The following BICD2 variants were observed in gnomAD, a reference collection of about 807,000 sequenced individuals.
BICD2 encodes the protein protein bicaudal D homolog 2.
BICD2 carries 25 observed loss-of-function variants against 72.9 expected under a neutral mutation model. The ratio of observed to expected loss-of-function variants is 0.34; its 90% CI spans 0.25 to 0.48. The LOEUF (loss-of-function observed/expected upper bound fraction) is 0.48, where lower values mean the gene tolerates loss of function less well. BICD2 is among the 20% of genes least tolerant of loss of function. The pLI is 0.99. For synonymous variants in BICD2, 501 were observed against 516.1 expected, an observed-to-expected ratio of 0.97 and a Z score of 0.40; for missense variants, 894 against 1,175.2, an observed-to-expected ratio of 0.76 and a Z score of 3.50.
chr9:92,756,866 C>CA (rs61466993), intron 1 of BICD2, among the ~76,000 whole-genome samples: 74 of 123,582 alleles, frequency 6.0e-4, no homozygotes, highest in African/African-American at 8.5e-4. Context: ...GACTCCGTCT[C>CA]AAAAAAAAAA....
In BICD2 at chr9:92,714,985, A is replaced by G; in HGVS notation, c.*169T>C. On this transcript the variant is annotated 3_prime_UTR_variant, in exon 7 of 7. Coordinates refer to ENST00000356884, the MANE Select transcript of BICD2 (RefSeq NM_001003800.2). ...GGCTTTGAGGAGTGAGAAGCGACACAAAGCTCTCACAAGTGTCCTGCTGAT... is the reference window on the plus strand; with the variant it reads ...GGCTTTGAGGAGTGAGAAGCGACACGAAGCTCTCACAAGTGTCCTGCTGAT... The G allele has an allele frequency of 1.4e-6, 2 of 1,409,130 alleles. No individual in the cohort carries two copies. Among genetic ancestry groups the G allele is most frequent in the Non-Finnish European group, 1.8e-6 (2 of 1,084,306 alleles). 87.3% of individuals were successfully genotyped at this position (1,409,130 alleles called of 1,614,324 possible).
At chr9:92,722,173 T>C (rs893683626) in intron 3 of BICD2, among the ~76,000 whole-genome samples, 4 of 152,174 alleles carry the variant, frequency 2.6e-5, no homozygotes, top group African/African-American at 9.7e-5. Context: ...TATTCATCTC[T>C]GTCACAGGCA....
At chr9:92,741,338 G>A (rs555036319) in intron 1 of BICD2, among the ~76,000 whole-genome samples, 1 of 152,298 alleles carries the variant, frequency 6.6e-6, no homozygotes, top group Admixed American at 6.5e-5. Context: ...ACCTTGCCCA[G>A]GAACATAAAA....
At chr9:92,742,610 C>G (rs1247470069) in intron 1 of BICD2, among the ~76,000 whole-genome samples, 1 of 152,068 alleles carries the variant, frequency 6.6e-6, no homozygotes. Flanking sequence ...GGTCCGATCT[C>G]CTGACCTCGT....
chr9:92,756,066 C>G (rs1854248882), intron 1 of BICD2, among the ~76,000 whole-genome samples: 1 of 152,192 alleles, frequency 6.6e-6, no homozygotes, highest in Non-Finnish European at 1.5e-5. Context: ...AATGGTAGGA[C>G]AGTGACAATA....
chr9:92,729,204 C>T lies in BICD2; in HGVS notation c.273G>A (p.Lys91=). ...AFGQAHTNHK[K]VAADGESREE... The stretch of plus-strand genomic sequence containing the variant: ...CCCGGCTCTCTCCGTCAGCAGCCAC[C>T]TTCTTGTGGTTTGTGTGTGCTTGTC... Residue 91 remains lysine, a synonymous_variant, in exon 2 of 7, where the codon AAG becomes AAA. Coordinates refer to ENST00000356884, the MANE Select transcript of BICD2 (RefSeq NM_001003800.2). 6.2e-7 allele frequency: 1 copy of T among 1,614,206 alleles called. No homozygotes were observed. The highest frequency in any genetic ancestry group is 8.5e-7 in the Non-Finnish European group (1 of 1,180,052).
At chr9:92,756,166 G>T (rs1854251266) in intron 1 of BICD2, among the ~76,000 whole-genome samples, 1 of 152,226 alleles carries the variant, frequency 6.6e-6, no homozygotes, top group Non-Finnish European at 1.5e-5. Context: ...CCACAGTAAA[G>T]GCTGGGGCGA....
intron 1 of BICD2, among the ~76,000 whole-genome samples, chr9:92,743,293 A>G (rs535015760): frequency 1.2e-4 from 18 of 151,448 alleles, no homozygotes; most frequent in African/African-American, 4.4e-4. Flanking sequence ...CCTGGGCCCA[A>G]GCAATCCTCC....
In BICD2 at chr9:92,714,356, G is replaced by T. The variant is rs1853257760; in HGVS notation, c.*798C>A. On this transcript the variant is annotated 3_prime_UTR_variant, in exon 7 of 7. Transcript: ENST00000356884. ...ACAAAAGGACGGGCTCTGCACTAAG[G>T]ACCAAGGTCTGGCCAGGCACTTGGA... The T allele has an allele frequency of 5.1e-6, 5 of 985,470 alleles. No homozygotes were observed. The highest frequency in any genetic ancestry group is 6.0e-6 in the Non-Finnish European group (5 of 829,948). The allele number at this position is 985,470 out of a possible 1,614,324, so 61.0% of individuals were successfully genotyped here.
intron 1 of BICD2, among the ~76,000 whole-genome samples, chr9:92,751,004 G>C (rs1854135279): frequency 6.6e-6 from 1 of 152,016 alleles, no homozygotes; most frequent in African/African-American, 2.4e-5. Context: ...TCTGCCTCTT[G>C]GGTTCAAGCA....
intron 1 of BICD2, among the ~76,000 whole-genome samples, chr9:92,755,309 G>A (rs910940706): frequency 6.6e-6 from 1 of 152,172 alleles, no homozygotes; most frequent in Admixed American, 6.5e-5. Context: ...AATGGTGCCC[G>A]AAACTTCATT....
chr9:92,751,051 C>T (rs1216482247), intron 1 of BICD2, among the ~76,000 whole-genome samples: 1 of 152,084 alleles, frequency 6.6e-6, no homozygotes, highest in Non-Finnish European at 1.5e-5. Context: ...GGTGGGACTA[C>T]AGGCACACAC....
At chr9:92,729,379 T>C (rs1450226506) in intron 1 of BICD2, 143 bp from the exon 2 acceptor site, 2 of 847,052 alleles carry the variant, frequency 2.4e-6, no homozygotes, top group South Asian at 1.7e-5. Flanking sequence ...CCCCCTGACC[T>C]GGGAGGTGCA....
In BICD2 at chr9:92,720,265, G is replaced by A; in HGVS notation, c.1062+35C>T. ...CGGGGAGCCCTGCAGACCTGGAGTG[G>A]GGACAGCGTGCCGAAGGCCCCACTG... is the stretch of plus-strand genomic sequence containing the variant. On this transcript the variant is annotated intron_variant, in intron 4 of 6. Coordinates refer to ENST00000356884, the MANE Select transcript of BICD2 (RefSeq NM_001003800.2). This position sits in a 1 kb window ranked among gnomAD's most constrained non-coding sequence, Gnocchi z 5.4. 6.4e-7 allele frequency: 1 copy of A among 1,574,730 alleles called. No homozygotes were observed.
At position 92,712,492 on chromosome 9, in the gene BICD2, G is replaced by A. The variant is rs1201732664; in HGVS notation, c.*2662C>T. On this transcript the variant is annotated 3_prime_UTR_variant, in exon 7 of 7. Coordinates refer to ENST00000356884, the MANE Select transcript of BICD2 (RefSeq NM_001003800.2). ...GTTGAAAGAGAACACCCTAAAAATC[G>A]ACGACTGTAGAATTTTCTAAGTGTA... The A allele has an allele frequency of 6.6e-6, 1 of 152,444 alleles. No individual in the cohort carries two copies. The highest frequency in any genetic ancestry group is 1.5e-5 in the Non-Finnish European group (1 of 68,034). 9.4% of individuals were successfully genotyped at this position (152,444 alleles called of 1,614,324 possible).
Position 92,715,284 on chromosome 9 carries a change from G to T in BICD2, c.2438C>A (p.Ala813Asp), listed in dbSNP as rs1853280924. 1 of 1,612,656 alleles carries T rather than the reference G, an allele frequency of 6.2e-7. No homozygotes were observed. The highest frequency in any genetic ancestry group is 1.1e-5 in the South Asian group (1 of 91,082). ...TGTGGCTGGCTTGGTCTTCGGGGCG[G>T]CTTTGGCACGGCCACGCCGGGTCTG... ...HEQTRRGRAK[A>D]APKTKPATPS... Residue 813 changes from alanine to aspartate, a missense_variant, in exon 7 of 7, where the codon GCC (alanine) becomes GAC (aspartate). By Grantham distance (126) the Ala-to-Asp change is moderately radical (BLOSUM62 -2). Around this residue, in one of 5 missense-constraint regions of BICD2, gnomAD observed 321 missense variants for 443.9 expected, o/e 0.72. Coordinates refer to ENST00000356884, the MANE Select transcript of BICD2 (RefSeq NM_001003800.2).
At chr9:92,762,450 C>T (rs541164775) in intron 1 of BICD2, among the ~76,000 whole-genome samples, 1 of 152,074 alleles carries the variant, frequency 6.6e-6, no homozygotes, top group Non-Finnish European at 1.5e-5. Flanking sequence ...TCTTATCCCA[C>T]CTTACAAAGG....
chr9:92,760,652 A>T (rs1854353704), intron 1 of BICD2, among the ~76,000 whole-genome samples: 1 of 152,178 alleles, frequency 6.6e-6, no homozygotes, highest in Non-Finnish European at 1.5e-5. Flanking sequence ...CATGGTCATC[A>T]TCTTTGGATG....
At chr9:92,762,585 T>G (rs546410001) in intron 1 of BICD2, among the ~76,000 whole-genome samples, 2 of 152,258 alleles carry the variant, frequency 1.3e-5, no homozygotes, top group African/African-American at 4.8e-5. Context: ...AGGTATACCC[T>G]CTTCCTGATT....
Sources: allele counts gnomAD v4.1 joint callset (sites outside exome capture counted in the v4.1 genomes callset), GRCh38; gene constraint gnomAD v4.1.1; regional missense constraint gnomAD v4.1.1; non-coding constraint Gnocchi (gnomAD v3.1); transcripts MANE v1.5; gene names NCBI Gene and HGNC (gene_info 2026-07-23, HGNC 2026-07-21).